Variants in PRKAR1B observed in about 807,000 individuals in gnomAD.
The protein encoded by PRKAR1B is protein kinase cAMP-dependent type I regulatory subunit beta, also known as cAMP-dependent protein kinase type I-beta regulatory subunit.
A neutral mutation model predicts 46.5 loss-of-function variants in PRKAR1B; 22 were observed. The observed-to-expected ratio is 0.47, with a 90% confidence interval of 0.34 to 0.68. The LOEUF (loss-of-function observed/expected upper bound fraction) is 0.68, where lower values mean the gene tolerates loss of function less well. PRKAR1B is among the 30% of genes least tolerant of loss of function. PRKAR1B has a pLI of 0.01. For missense variants in PRKAR1B, 445 were observed against 535.6 expected (o/e 0.83, Z 1.67); for synonymous variants, 259 against 217.7 (o/e 1.19, Z -1.67).
intron 9 of PRKAR1B, among the ~76,000 whole-genome samples, chr7:569,868 C>T (rs1367346970): frequency 1.3e-5 from 2 of 152,210 alleles, no homozygotes; most frequent in Non-Finnish European, 2.9e-5. Context: ...GGGCCAGACC[C>T]CGAGGGCCCT....
At chr7:559,549 G>A (rs868210039) in intron 9 of PRKAR1B, among the ~76,000 whole-genome samples, 12 of 152,288 alleles carry the variant, frequency 7.9e-5, no homozygotes, top group Middle Eastern at 3.4e-3. Context: ...GGGAAGCACC[G>A]GAGCCCAGGC....
At chr7:680,425 C>T (rs1016865622) in intron 3 of PRKAR1B, 131 bp downstream of exon 3, 9 of 951,060 alleles carry the variant, frequency 9.5e-6, no homozygotes, top group African/African-American at 5.1e-5. Context: ...CCCACATAGT[C>T]CTCCCTCCAA....
rs189794550 is a variant in PRKAR1B at position 691,156 on chromosome 7, C to T, written c.178-10430G>A. ...TGCAAATCCTACCCGAAGGGTCCCG[C>T]GCCCACCCAAACTGTCCACTGCGCT... On this transcript the variant is annotated intron_variant, in intron 2 of 10. Transcript: ENST00000537384. 3.1e-3 allele frequency among the ~76,000 whole-genome samples: 473 copies of T among 152,170 alleles called. 2 individuals are homozygous for T. The highest frequency in any genetic ancestry group is 0.011 in the African/African-American group (448 of 41,480).
intron 9 of PRKAR1B, among the ~76,000 whole-genome samples, chr7:564,541 C>T (rs978770243): frequency 3.9e-5 from 6 of 152,318 alleles, no homozygotes; most frequent in East Asian, 3.9e-4. Context: ...CTCAGGTCCC[C>T]GCCCCACCGC....
Position 687,015 on chromosome 7 carries a change from G to A in PRKAR1B, c.178-6289C>T, listed in dbSNP as rs551922227. Among the ~76,000 whole-genome samples the A allele has an allele frequency of 5.3e-5, 8 of 152,336 alleles. No homozygotes were observed. In the East Asian group the frequency reaches 1.4e-3, roughly 26 times the overall value. ...GGATTAAGCCAGCCTCCCTGGGACT[G>A]AATCTCAGCTCAAATCATCTCAGTC... On this transcript the variant is annotated intron_variant, in intron 2 of 10. Transcript: ENST00000537384.
chr7:636,683 C>T (rs149170864), intron 4 of PRKAR1B, among the ~76,000 whole-genome samples: 1 of 152,374 alleles, frequency 6.6e-6, no homozygotes, highest in East Asian at 1.9e-4. Context: ...GCAGCTCAGA[C>T]AGAAGCATTT....
At chr7:562,796 G>A (rs1778883553) in intron 9 of PRKAR1B, among the ~76,000 whole-genome samples, 2 of 152,122 alleles carry the variant, frequency 1.3e-5, no homozygotes, top group African/African-American at 2.4e-5. Context: ...AAGGCCATGG[G>A]GTCCATGCCC....
At chr7:587,394 G>A (rs926038834) in intron 7 of PRKAR1B, among the ~76,000 whole-genome samples, 3 of 152,136 alleles carry the variant, frequency 2.0e-5, no homozygotes, top group South Asian at 2.1e-4. Flanking sequence ...TCAGAGGGCC[G>A]AGGAGGAGGA....
chr7:573,485 G>A (rs559315707), intron 9 of PRKAR1B, among the ~76,000 whole-genome samples: 2 of 152,104 alleles, frequency 1.3e-5, no homozygotes, highest in Non-Finnish European at 2.9e-5. Flanking sequence ...CTCCTGCGGA[G>A]GGGCAGCCAG....
At chr7:567,970 C>A (rs1340845833) in intron 9 of PRKAR1B, among the ~76,000 whole-genome samples, 1 of 152,202 alleles carries the variant, frequency 6.6e-6, no homozygotes, top group Non-Finnish European at 1.5e-5. Flanking sequence ...AGCCACACAG[C>A]AAAATGACCT....
At chr7:597,827 T>C (rs909502468) in intron 6 of PRKAR1B, among the ~76,000 whole-genome samples, 2 of 152,244 alleles carry the variant, frequency 1.3e-5, no homozygotes, top group African/African-American at 4.8e-5. Flanking sequence ...CGCCTCGCAG[T>C]GGACACTCCC....
chr7:649,979 A>ATTTT (rs762320346), intron 4 of PRKAR1B, among the ~76,000 whole-genome samples: 1 of 135,284 alleles, frequency 7.4e-6, no homozygotes, highest in African/African-American at 2.8e-5. Context: ...GGCCCAGCTA[A>ATTTT]TTTTTTTTTT....
rs943862959 is a variant in PRKAR1B, at chr7:560,706, T to G, written c.892-9236A>C. Among the ~76,000 whole-genome samples the G allele has an allele frequency of 6.6e-6, 1 of 152,174 alleles. No homozygotes were observed. Among genetic ancestry groups the G allele is most frequent in the Non-Finnish European group, 1.5e-5 (1 of 68,026 alleles). ...AGCTGCTCCAGCCTCAGCTGCCTCATCTGTTATATGGGACAACGCCAACCA... is the reference window on the plus strand; with the variant it reads ...AGCTGCTCCAGCCTCAGCTGCCTCAGCTGTTATATGGGACAACGCCAACCA... On this transcript the variant is annotated intron_variant, in intron 9 of 10. Coordinates refer to ENST00000537384, the MANE Select transcript of PRKAR1B (RefSeq NM_001164760.2). The surrounding 1 kb of genome is among the most constrained non-coding windows in gnomAD (Gnocchi z 4.2).
intron 2 of PRKAR1B, among the ~76,000 whole-genome samples, chr7:686,668 T>C (rs564239019): frequency 1.2e-4 from 18 of 152,234 alleles, no homozygotes; most frequent in African/African-American, 4.3e-4. Context: ...AGAGATCAAC[T>C]AGAAAACCTT....
In PRKAR1B at chr7:584,522, T is replaced by C. The variant is rs2128447456; in HGVS notation, c.755A>G (p.Lys252Arg). ...CAGCCACTGACCTAGGATGGAGACCTTGCTGAGGAACTCCTCGTACATCTT... is the reference window on the plus strand; with the variant it reads ...CAGCCACTGACCTAGGATGGAGACCCTGCTGAGGAACTCCTCGTACATCTT... Reference protein sequence around the residue: ...KRKMYEEFLSKVSILESLEKW... With the variant: ...KRKMYEEFLSRVSILESLEKW... The change falls in exon 8 of 11, where the codon AAG (lysine) becomes AGG (arginine). Residue 252 changes from lysine to arginine, a missense_variant. Lys to Arg is a conservative substitution (Grantham distance 26, BLOSUM62 2). Around this residue, in one of 5 missense-constraint regions of PRKAR1B, gnomAD observed 51 missense variants for 85.1 expected, o/e 0.60. Transcript: ENST00000537384. The C allele has an allele frequency of 1.2e-6, 2 of 1,613,920 alleles. No homozygotes were observed. Among genetic ancestry groups the C allele is most frequent in the East Asian group, 2.2e-5 (1 of 44,876 alleles).
chr7:580,469 T>A (rs1780109928), intron 8 of PRKAR1B, among the ~76,000 whole-genome samples: 1 of 152,168 alleles, frequency 6.6e-6, no homozygotes, highest in Non-Finnish European at 1.5e-5. Flanking sequence ...AAAGAAACAC[T>A]GTTCATCAGG....
At chr7:698,508 G>A (rs1779891518) in intron 2 of PRKAR1B, among the ~76,000 whole-genome samples, 2 of 152,014 alleles carry the variant, frequency 1.3e-5, no homozygotes, top group Non-Finnish European at 1.5e-5. Context: ...GTAAGTACGT[G>A]CGTGAGCATG....
chr7:685,199 T>C (rs935162996), intron 2 of PRKAR1B, among the ~76,000 whole-genome samples: 1 of 146,444 alleles, frequency 6.8e-6, no homozygotes, highest in African/African-American at 2.5e-5. Context: ...ACCATGTCTG[T>C]ATATACATAT....
chr7:616,565 C>G (rs958596062), intron 4 of PRKAR1B, among the ~76,000 whole-genome samples: 29 of 152,228 alleles, frequency 1.9e-4, no homozygotes, highest in South Asian at 1.5e-3. Context: ...CCCAGAAGCA[C>G]GCTCCACCCA....
Sources: allele counts gnomAD v4.1 joint callset (sites outside exome capture counted in the v4.1 genomes callset), GRCh38; gene constraint gnomAD v4.1.1; regional missense constraint gnomAD v4.1.1; non-coding constraint Gnocchi (gnomAD v3.1); transcripts MANE v1.5; gene names NCBI Gene and HGNC (gene_info 2026-07-23, HGNC 2026-07-21).